Variants in HAPLN4 observed in about 807,000 individuals in gnomAD.
HAPLN4 encodes the protein hyaluronan and proteoglycan link protein 4.
A neutral mutation model predicts 28.0 loss-of-function variants in HAPLN4; 19 were observed. That is an observed-to-expected ratio of 0.68 (90% CI 0.47 to 1.00). The LOEUF (loss-of-function observed/expected upper bound fraction) is 1.00. Among genes scored for constraint, HAPLN4 ranks in the 50% least tolerant of loss-of-function variants. The pLI is 0.00. For missense variants in HAPLN4, 587 were observed against 602.6 expected, an observed-to-expected ratio of 0.97 and a Z score of 0.27; for synonymous variants, 274 against 273.0, an observed-to-expected ratio of 1.00 and a Z score of -0.03.
chr19:19,262,784 C>A lies in HAPLN4; in HGVS notation c.-52G>T. On this transcript the variant is annotated 5_prime_UTR_variant, in exon 1 of 5. Transcript: ENST00000291481. ...GCCCCTACGCACCCGGACTGCGCTC[C>A]CCGCACACCCGGTTAAGACTGGGCA... is the stretch of plus-strand genomic sequence containing the variant. 6.3e-7 allele frequency: 1 copy of A among 1,595,112 alleles called. No individual in the cohort carries two copies. Among genetic ancestry groups the A allele is most frequent in the Non-Finnish European group, 8.5e-7 (1 of 1,169,808 alleles).
intron 2 of HAPLN4, 98 bp downstream of exon 2, chr19:19,261,348 A>G (rs184270320): frequency 1.6e-6 from 2 of 1,283,854 alleles, no homozygotes; most frequent in Middle Eastern, 1.9e-4. Context: ...TGGCTGGGGG[A>G]ACCGCGGACG....
intron 2 of HAPLN4, 43 bp from the exon 3 acceptor site, chr19:19,261,218 A>C: frequency 6.4e-7 from 1 of 1,557,404 alleles, no homozygotes; most frequent in Non-Finnish European, 8.7e-7. Flanking sequence ...GCCTAGGGGC[A>C]GAAGGGGGCC....
At position 19,258,572 on chromosome 19, in the gene HAPLN4, A is replaced by G. The variant is rs1194505632; in HGVS notation, c.768T>C (p.His256=). ...NGGLRNYGYR[H]NAEERYDAFC... is the part of the protein sequence containing the mutation. Reference sequence around the variant, plus strand: ...AGGCGTCGTAGCGTTCCTCGGCGTTATGGCGATACCCGTAGTTGCGCAGGC... The same window carrying G: ...AGGCGTCGTAGCGTTCCTCGGCGTTGTGGCGATACCCGTAGTTGCGCAGGC... The change falls in exon 4 of 5, where the codon CAT becomes CAC. Residue 256 remains histidine, a synonymous_variant. Coordinates refer to ENST00000291481, the MANE Select transcript of HAPLN4 (RefSeq NM_023002.3). This position sits in a 1 kb window ranked among gnomAD's most constrained non-coding sequence, Gnocchi z 6.2. The G allele has an allele frequency of 3.1e-6, 5 of 1,613,574 alleles. No individual in the cohort carries two copies. In the East Asian group the frequency reaches 1.1e-4, roughly 36 times the overall value.
chr19:19,258,055 GC>G lies in HAPLN4; in HGVS notation c.970del (p.Ala324ProfsTer10). Reference protein sequence around the residue: ...LLDRCTAGWLADGSARYPIVN... With the variant: ...LLDRCTAGWLXDGSARYPIVN... ...GATGGGGTAGCGCGCACTGCCATCGGCCAGCCAACCCGCGGTGCAGCGGTCT... is the reference window on the plus strand; with the variant it reads ...GATGGGGTAGCGCGCACTGCCATCGGCAGCCAACCCGCGGTGCAGCGGTCT... On this transcript the variant is annotated frameshift_variant, in exon 5 of 5. Transcript: ENST00000291481. LOFTEE classifies it low-confidence loss of function (END_TRUNC). The surrounding 1 kb of genome is among the most constrained non-coding windows in gnomAD (Gnocchi z 6.2). The G allele has an allele frequency of 6.4e-7, 1 of 1,551,072 alleles. No homozygotes were observed. Among genetic ancestry groups the G allele is most frequent in the Non-Finnish European group, 8.7e-7 (1 of 1,154,730 alleles).
intron 2 of HAPLN4, 93 bp from the exon 3 acceptor site, chr19:19,261,268 C>A: frequency 7.2e-7 from 1 of 1,389,308 alleles, no homozygotes. Flanking sequence ...CGTGGGAAGA[C>A]TCGGGTGGGG....
chr19:19,257,983 C>T lies in HAPLN4; in HGVS notation c.1043G>A (p.Ser348Asn). The change falls in exon 5 of 5, where the codon AGC becomes AAC. Residue 348 changes from serine to asparagine, a missense_variant. Coordinates refer to ENST00000291481, the MANE Select transcript of HAPLN4 (RefSeq NM_023002.3). ...RCGGRRPGVR[S>N]LGFPDATRRL... ...TCGGGTGGCGTCCGGGAAGCCGAGG[C>T]TGCGCACACCAGGCCTGCGGCCTCC... The T allele has an allele frequency of 2.0e-6, 3 of 1,515,684 alleles. No individual in the cohort carries two copies. Among genetic ancestry groups the T allele is most frequent in the Non-Finnish European group, 1.8e-6 (2 of 1,139,092 alleles). 93.9% of individuals were successfully genotyped at this position (1,515,684 alleles called of 1,614,324 possible).
intron 1 of HAPLN4, 127 bp downstream of exon 1, chr19:19,262,603 G>T: frequency 8.9e-7 from 1 of 1,118,482 alleles, no homozygotes; most frequent in Non-Finnish European, 1.3e-6. Flanking sequence ...GATCAAAGAG[G>T]GTGAGAGACA....
Position 19,261,490 on chromosome 19 carries a change from G to C in HAPLN4, c.77C>G (p.Pro26Arg). 1 of 1,612,144 alleles carries C rather than the reference G, an allele frequency of 6.2e-7. No individual in the cohort carries two copies. The highest frequency in any genetic ancestry group is 8.5e-7 in the Non-Finnish European group (1 of 1,179,708). Residue 26 changes from proline to arginine, a missense_variant, in exon 2 of 5, where the codon CCT (proline) becomes CGT (arginine). Transcript: ENST00000291481. ...CTTCCGGCCACGCTGCGCCCCCGCA[G>C]GGGCTGTGAGCAGCAGGACGCCCCA... ...AAWGVLLLTA[P>R]AGAQRGRKKV... is the part of the protein sequence containing the mutation.
At position 19,257,943 on chromosome 19, in the gene HAPLN4, G is replaced by T; in HGVS notation, c.1083C>A (p.Val361=). The change falls in exon 5 of 5, where the codon GTC becomes GTA. Residue 361 remains valine (V), a synonymous_variant. Transcript: ENST00000291481. The part of the protein sequence containing the change: ...FPDATRRLFG[V]YCYRAPGAPD... ...GTGCTCCTGGAGCGCGGTAGCAGTAGACGCCGAAGAGCCGTCGGGTGGCGT... is the reference window on the plus strand; with the variant it reads ...GTGCTCCTGGAGCGCGGTAGCAGTATACGCCGAAGAGCCGTCGGGTGGCGT... 1 of 1,515,870 alleles carries T rather than the reference G, an allele frequency of 6.6e-7. No homozygotes were observed. 93.9% of individuals were successfully genotyped at this position (1,515,870 alleles called of 1,614,324 possible).
Position 19,258,029 on chromosome 19 carries a change from C to T in HAPLN4, c.997G>A (p.Val333Met), listed in dbSNP as rs2060971383. The T allele has an allele frequency of 1.3e-6, 2 of 1,531,692 alleles. No homozygotes were observed. Among genetic ancestry groups the T allele is most frequent in the Admixed American group, 1.9e-5 (1 of 51,836 alleles). The allele number at this position is 1,531,692 out of a possible 1,614,324, so 94.9% of individuals were successfully genotyped here. ...LADGSARYPI[V>M]NPRARCGGRR... The stretch of plus-strand genomic sequence containing the variant: ...CCTCCGCAGCGCGCTCGCGGGTTCA[C>T]GATGGGGTAGCGCGCACTGCCATCG... The change falls in exon 5 of 5, where the codon GTG becomes ATG. Residue 333 changes from valine to methionine, a missense_variant. Physicochemically the swap from Val to Met is conservative, Grantham distance 21. Coordinates refer to ENST00000291481, the MANE Select transcript of HAPLN4 (RefSeq NM_023002.3). The surrounding 1 kb of genome is among the most constrained non-coding windows in gnomAD (Gnocchi z 6.2).
At chr19:19,262,316 A>C (rs575549040) in intron 1 of HAPLN4, among the ~76,000 whole-genome samples, 4 of 150,814 alleles carry the variant, frequency 2.7e-5, no homozygotes, top group Admixed American at 1.3e-4. Flanking sequence ...GGAGAGACAC[A>C]GATGGAGAGG....
At position 19,258,574 on chromosome 19, in the gene HAPLN4, G is replaced by GGCGATACCC; in HGVS notation, c.757_765dup (p.Gly253_Arg255dup). 1 of 1,613,706 alleles carries GGCGATACCC rather than the reference G, an allele frequency of 6.2e-7. No individual in the cohort carries two copies. The highest frequency in any genetic ancestry group is 8.5e-7 in the Non-Finnish European group (1 of 1,179,876). ...GCGTCGTAGCGTTCCTCGGCGTTATGGCGATACCCGTAGTTGCGCAGGCCC... is the reference window on the plus strand; with the variant it reads ...GCGTCGTAGCGTTCCTCGGCGTTATGGCGATACCCGCGATACCCGTAGTTGCGCAGGCCC... On this transcript the variant is annotated inframe_insertion, in exon 4 of 5. Transcript: ENST00000291481. The surrounding 1 kb of genome is among the most constrained non-coding windows in gnomAD (Gnocchi z 6.2).
At chr19:19,259,677 A>G (rs1337501119) in intron 3 of HAPLN4, among the ~76,000 whole-genome samples, 1 of 152,050 alleles carries the variant, frequency 6.6e-6, no homozygotes, top group Non-Finnish European at 1.5e-5. Context: ...ACTCCTGAGA[A>G]CTCTTCAACT....
rs772163321 is a variant in HAPLN4, at chr19:19,258,904, T to G, written c.485-49A>C. ...GCAGGTACACCCCAGCCCACCCTCATGCACCTGACGTCTGGGGTGCTATGT... is the reference window on the plus strand; with the variant it reads ...GCAGGTACACCCCAGCCCACCCTCAGGCACCTGACGTCTGGGGTGCTATGT... On this transcript the variant is annotated intron_variant, in intron 3 of 4. Transcript: ENST00000291481. This position sits in a 1 kb window ranked among gnomAD's most constrained non-coding sequence, Gnocchi z 6.2. The G allele has an allele frequency of 1.4e-6, 2 of 1,411,620 alleles. No homozygotes were observed. Among genetic ancestry groups the G allele is most frequent in the South Asian group, 2.8e-5 (2 of 70,300 alleles). 87.4% of individuals were successfully genotyped at this position (1,411,620 alleles called of 1,614,324 possible). A position where few individuals can be genotyped will look rare whatever the true frequency, so the allele number is the denominator to read the frequency against.
rs184860421 is a variant in HAPLN4 at position 19,258,402 on chromosome 19, C to G, written c.817+121G>C. ...TTGGTACCAGGCGGTGTGTGCTGCG[C>G]CTAGGCACTCTTGGGAGAGGGGTCT... On this transcript the variant is annotated intron_variant, in intron 4 of 4. Coordinates refer to ENST00000291481, the MANE Select transcript of HAPLN4 (RefSeq NM_023002.3). This position sits in a 1 kb window ranked among gnomAD's most constrained non-coding sequence, Gnocchi z 6.2. 1.7e-6 allele frequency: 2 copies of G among 1,179,286 alleles called. No individual in the cohort carries two copies. Among genetic ancestry groups the G allele is most frequent in the East Asian group, 5.0e-5 (2 of 40,034 alleles). The allele number at this position is 1,179,286 out of a possible 1,614,324, so 73.1% of individuals were successfully genotyped here.
chr19:19,261,033 C>T lies in HAPLN4; in HGVS notation c.264G>A (p.Lys88=). 6.2e-7 allele frequency: 1 copy of T among 1,613,578 alleles called. No individual in the cohort carries two copies. The highest frequency in any genetic ancestry group is 1.1e-5 in the South Asian group (1 of 91,080). ...GHDGVRLKWT[K]VVDPLAFTDV... is the part of the protein sequence containing the mutation. ...CGGTGAAGGCCAGCGGGTCCACCAC[C>T]TTTGTCCACTTGAGCCGGACGCCGT... The change falls in exon 3 of 5, where the codon AAG becomes AAA. Residue 88 remains lysine (K), a synonymous_variant. Transcript: ENST00000291481.
In HAPLN4 at chr19:19,258,446, G is replaced by A. The variant is rs907120008; in HGVS notation, c.817+77C>T. 9.7e-6 allele frequency: 14 copies of A among 1,446,784 alleles called. No homozygotes were observed. The highest frequency in any genetic ancestry group is 1.3e-5 in the Non-Finnish European group (14 of 1,047,498). The allele number at this position is 1,446,784 out of a possible 1,614,324, so 89.6% of individuals were successfully genotyped here. On this transcript the variant is annotated intron_variant, in intron 4 of 4. Coordinates refer to ENST00000291481, the MANE Select transcript of HAPLN4 (RefSeq NM_023002.3). This position sits in a 1 kb window ranked among gnomAD's most constrained non-coding sequence, Gnocchi z 6.2. ...GGGGTCTCCTGTTTCTGATCGCTAA[G>A]AGCTGGGTGGGGAAGAAGGCCCCGG...
intron 3 of HAPLN4, among the ~76,000 whole-genome samples, chr19:19,260,572 C>A (rs2146570758): frequency 6.6e-6 from 1 of 152,262 alleles, no homozygotes; most frequent in South Asian, 2.1e-4. Context: ...TAGCTGCATC[C>A]CTGGCCTCTA....
rs768706041 is a variant in HAPLN4, at chr19:19,261,027, C to T, written c.270G>A (p.Val90=). ...AGACGTCGGTGAAGGCCAGCGGGTC[C>T]ACCACCTTTGTCCACTTGAGCCGGA... ...DGVRLKWTKV[V]DPLAFTDVFV... Residue 90 remains valine (V), a synonymous_variant, in exon 3 of 5, where the codon GTG becomes GTA. Coordinates refer to ENST00000291481, the MANE Select transcript of HAPLN4 (RefSeq NM_023002.3). 2.2e-5 allele frequency: 35 copies of T among 1,613,468 alleles called. No individual in the cohort carries two copies. Among genetic ancestry groups the T allele is most frequent in the Middle Eastern group, 3.3e-4 (2 of 6,084 alleles).
Sources: gnomAD v4.1 joint callset for allele counts (sites outside exome capture counted in the v4.1 genomes callset) on GRCh38, gnomAD v4.1.1 for gene constraint, Gnocchi (gnomAD v3.1) non-coding constraint, MANE v1.5 for transcripts, NCBI Gene and HGNC (gene_info 2026-07-23, HGNC 2026-07-21) for gene names.